Variants in XPR1 observed in about 807,000 individuals in gnomAD.
XPR1 encodes xenotropic and polytropic retrovirus receptor 1.
XPR1 carries 28 observed loss-of-function variants against 87.5 expected under a neutral mutation model. That is an observed-to-expected ratio of 0.32 (90% CI 0.24 to 0.44). XPR1 has a LOEUF of 0.44. Ranked by LOEUF, XPR1 falls within the 20% of genes least tolerant of loss-of-function variation. XPR1 has a pLI of 1.00. For synonymous variants in XPR1, 300 were observed against 306.1 expected (o/e 0.98, Z 0.21); for missense variants, 559 against 862.3 (o/e 0.65, Z 4.41).
intron 11 of XPR1, among the ~76,000 whole-genome samples, chr1:180,845,728 G>T (rs1651658318): frequency 7.0e-6 from 1 of 143,054 alleles, no homozygotes; most frequent in Non-Finnish European, 1.5e-5. Context: ...CACTACTGTT[G>T]CCCAGGCTAG....
chr1:180,810,166 C>T (rs767061388), intron 6 of XPR1, among the ~76,000 whole-genome samples: 21 of 152,038 alleles, frequency 1.4e-4, no homozygotes, highest in Non-Finnish European at 2.9e-4. Flanking sequence ...TTTCAAAAAT[C>T]GCTTTCTAAA....
chr1:180,721,822 C>G lies in XPR1; in HGVS notation c.121+39411C>G, dbSNP rs528169660. On this transcript the variant is annotated intron_variant, in intron 2 of 14. Transcript: ENST00000367590. ...AATAGTAAATATATTTTTCTTACGA[C>G]TTTCTTTTCTCTAGCTTATTTTATT... 3.0e-4 allele frequency among the ~76,000 whole-genome samples: 45 copies of G among 152,248 alleles called. 1 individual carries two copies. The South Asian group carries it at 8.9e-3, about 30-fold the overall frequency.
At chr1:180,832,108 A>G (rs1038624127) in intron 9 of XPR1, among the ~76,000 whole-genome samples, 1 of 152,228 alleles carries the variant, frequency 6.6e-6, no homozygotes, top group African/African-American at 2.4e-5. Context: ...GTGAGATGGT[A>G]TCTCATTGTG....
intron 2 of XPR1, among the ~76,000 whole-genome samples, chr1:180,757,591 A>G (rs1647797665): frequency 6.7e-6 from 1 of 148,788 alleles, no homozygotes; most frequent in Non-Finnish European, 1.5e-5. Context: ...TCACTGCATC[A>G]CTACAACCTC....
At chr1:180,657,225 T>G (rs1292229588) in intron 1 of XPR1, among the ~76,000 whole-genome samples, 1 of 152,146 alleles carries the variant, frequency 6.6e-6, no homozygotes, top group African/African-American at 2.4e-5. Context: ...TAGGAAATAT[T>G]TTTTCCCATT....
intron 1 of XPR1, among the ~76,000 whole-genome samples, chr1:180,656,309 A>G (rs1393331792): frequency 8.3e-6 from 1 of 121,188 alleles, no homozygotes; most frequent in Non-Finnish European, 1.6e-5. Context: ...ATAGTACTCC[A>G]TTATATATAT....
rs369513320 is a variant in XPR1, at chr1:180,644,404, C to CTT, written c.69+12148_69+12149dup. ...TGTTGGCTCTCCCTCTTCTGATTTA[C>CTT]TTTTTTTTTTTTTTTAAGATAACGT... On this transcript the variant is annotated intron_variant, in intron 1 of 14. Coordinates refer to ENST00000367590, the MANE Select transcript of XPR1 (RefSeq NM_004736.4). Among the ~76,000 whole-genome samples, 69 of 133,438 alleles carry CTT rather than the reference C, an allele frequency of 5.2e-4. 1 individual carries two copies. Among genetic ancestry groups the CTT allele is most frequent in the African/African-American group, 1.1e-3 (41 of 36,238 alleles). The allele number at this position is 133,438 out of a possible 152,430, so 87.5% of individuals were successfully genotyped here. A position where few individuals can be genotyped will look rare whatever the true frequency, so the allele number is the denominator to read the frequency against.
intron 2 of XPR1, among the ~76,000 whole-genome samples, chr1:180,706,520 A>G (rs1487465918): frequency 6.6e-6 from 1 of 152,210 alleles, no homozygotes; most frequent in Non-Finnish European, 1.5e-5. Context: ...TGTCTTTTTC[A>G]TGTGAAAATT....
At chr1:180,662,678 A>C (rs545023543) in intron 1 of XPR1, among the ~76,000 whole-genome samples, 1 of 152,098 alleles carries the variant, frequency 6.6e-6, no homozygotes, top group Non-Finnish European at 1.5e-5. Context: ...CTTTAGCTTT[A>C]GGAAGTTCTC....
At chr1:180,746,193 C>G (rs1389332478) in intron 2 of XPR1, among the ~76,000 whole-genome samples, 2 of 152,104 alleles carry the variant, frequency 1.3e-5, no homozygotes, top group Non-Finnish European at 2.9e-5. Context: ...AGTGTTTCCT[C>G]ACTGAATGTT....
Position 180,811,387 on chromosome 1 carries a change from T to TA in XPR1, c.682-19dup, listed in dbSNP as rs774818199. 1 of 1,603,566 alleles carries TA rather than the reference T, an allele frequency of 6.2e-7. No individual in the cohort carries two copies. The highest frequency in any genetic ancestry group is 1.3e-5 in the African/African-American group (1 of 74,674). On this transcript the variant is annotated intron_variant, in intron 6 of 14. Coordinates refer to ENST00000367590, the MANE Select transcript of XPR1 (RefSeq NM_004736.4). ...ATCAGTGTTTTGTCCTGTACTCAAA[T>TA]ACTATTTTTCTGTCCACAGCCTGCA... is the stretch of plus-strand genomic sequence containing the variant.
At chr1:180,714,254 C>CCTT (rs1250128122) in intron 2 of XPR1, among the ~76,000 whole-genome samples, 3 of 116,782 alleles carry the variant, frequency 2.6e-5, no homozygotes, top group Non-Finnish European at 5.8e-5. Context: ...TCCTTCTCAT[C>CCTT]CTTCTCTAGC....
At chr1:180,780,758 ACT>A in intron 2 of XPR1, among the ~76,000 whole-genome samples, 1 of 147,536 alleles carries the variant, frequency 6.8e-6, no homozygotes, top group East Asian at 2.0e-4. Context: ...ACAGAGCAAG[ACT>A]CTGTCTCAAA....
At chr1:180,821,089 C>T (rs1217987155) in intron 7 of XPR1, among the ~76,000 whole-genome samples, 1 of 151,152 alleles carries the variant, frequency 6.6e-6, no homozygotes, top group Non-Finnish European at 1.5e-5. Context: ...CCTTTTGTTT[C>T]ATGTACTTTT....
chr1:180,749,172 T>C (rs1487785410), intron 2 of XPR1, among the ~76,000 whole-genome samples: 1 of 152,216 alleles, frequency 6.6e-6, no homozygotes, highest in African/African-American at 2.4e-5. Context: ...CACTCCAGCC[T>C]AGGCAACACA....
At chr1:180,743,654 T>G (rs887198692) in intron 2 of XPR1, among the ~76,000 whole-genome samples, 1 of 152,172 alleles carries the variant, frequency 6.6e-6, no homozygotes, top group African/African-American at 2.4e-5. Flanking sequence ...AGAAATTCCT[T>G]TAACAATTTT....
intron 3 of XPR1, among the ~76,000 whole-genome samples, chr1:180,799,779 A>G (rs566992752): frequency 6.6e-6 from 1 of 152,264 alleles, no homozygotes; most frequent in African/African-American, 2.4e-5. Flanking sequence ...GAGTAGCTGC[A>G]TTATCAGATG....
chr1:180,671,296 G>C (rs572922858), intron 1 of XPR1, among the ~76,000 whole-genome samples: 2 of 152,278 alleles, frequency 1.3e-5, no homozygotes, highest in African/African-American at 4.8e-5. Flanking sequence ...ATCTGTCAGA[G>C]AGATCAAAAC....
At chr1:180,756,800 G>A (rs1647765300) in intron 2 of XPR1, among the ~76,000 whole-genome samples, 1 of 152,128 alleles carries the variant, frequency 6.6e-6, no homozygotes, top group Non-Finnish European at 1.5e-5. Flanking sequence ...TGGAAAAAGA[G>A]GAAGGTCTTT....
Sources: gnomAD v4.1 joint callset for allele counts (sites outside exome capture counted in the v4.1 genomes callset) on GRCh38, gnomAD v4.1.1 for gene constraint, MANE v1.5 for transcripts, NCBI Gene and HGNC (gene_info 2026-07-23, HGNC 2026-07-21) for gene names.